URB1: variants seen among roughly 807,000 people sequenced by gnomAD.
URB1 encodes URB1 ribosome biogenesis factor.
A neutral mutation model predicts 242.3 loss-of-function variants in URB1; 197 were observed. The observed-to-expected ratio is 0.81, with a 90% CI of 0.72 to 0.91. URB1 has a LOEUF of 0.91. Ranked by LOEUF, URB1 falls within the 40% of genes least tolerant of loss-of-function variation. URB1 has a pLI of 0.00. For missense variants in URB1, 2,721 were observed against 2,860.5 expected (o/e 0.95, Z 1.11); for synonymous variants, 1,153 against 1,201.8 (o/e 0.96, Z 0.84).
intron 34 of URB1, among the ~76,000 whole-genome samples, chr21:32,321,497 C>A (rs1005465016): frequency 2.0e-5 from 3 of 152,122 alleles, no homozygotes; most frequent in African/African-American, 7.2e-5. Flanking sequence ...GATCAGTACC[C>A]CCCACTGATG....
chr21:32,392,041 G>A (rs749945046), intron 1 of URB1, among the ~76,000 whole-genome samples: 1 of 151,710 alleles, frequency 6.6e-6, no homozygotes, highest in African/African-American at 2.4e-5. Context: ...AAAAAATGAG[G>A]ACAAAAATTG....
chr21:32,392,659 A>AT, intron 1 of URB1, 110 bp downstream of exon 1: 1 of 1,294,256 alleles, frequency 7.7e-7, no homozygotes, highest in Non-Finnish European at 9.9e-7. Flanking sequence ...GAGGCTTGCC[A>AT]CTGAGCCTAT....
chr21:32,334,145 G>A lies in URB1; in HGVS notation c.4857+18C>T, dbSNP rs1292490717. On this transcript the variant is annotated intron_variant, in intron 29 of 38. Coordinates refer to ENST00000382751, the MANE Select transcript of URB1 (RefSeq NM_014825.3). ...TGGGGTGAAGGGGTGGGTAGGGACA[G>A]AACAGCAGCAGCCCAACCTCGGGGG... 2.6e-6 allele frequency: 4 copies of A among 1,535,438 alleles called. No homozygotes were observed. The highest frequency in any genetic ancestry group is 4.0e-5 in the Admixed American group (2 of 50,450).
At chr21:32,385,472 A>G (rs953367241) in intron 2 of URB1, 73 bp downstream of exon 2, 11 of 1,500,504 alleles carry the variant, frequency 7.3e-6, no homozygotes, top group African/African-American at 7.0e-5. Flanking sequence ...TTTCTATCAC[A>G]TTTTTCCTCA....
chr21:32,361,169 A>AAGAAAGAAAGAAAGAAAGAC, intron 12 of URB1, 46 bp from the exon 13 acceptor site: 1 of 640,916 alleles, frequency 1.6e-6, no homozygotes, highest in Non-Finnish European at 2.5e-6. Flanking sequence ...AAAAGAAAGA[A>AAGAAAGAAAGAAAGAAAGAC]AGAAAGAAAG....
chr21:32,354,520 C>T (rs1003216626), intron 17 of URB1, among the ~76,000 whole-genome samples: 6 of 152,160 alleles, frequency 3.9e-5, no homozygotes, highest in Admixed American at 3.3e-4. Flanking sequence ...TTATACTAAA[C>T]CTCTCTGTGC....
At chr21:32,353,852 G>C in intron 18 of URB1, 81 bp downstream of exon 18, 2 of 1,449,390 alleles carry the variant, frequency 1.4e-6, no homozygotes, top group Non-Finnish European at 1.8e-6. Flanking sequence ...ATTGATCCCA[G>C]AGCCCCTGGA....
chr21:32,385,824 C>A, intron 1 of URB1, 140 bp from the exon 2 acceptor site: 1 of 1,202,852 alleles, frequency 8.3e-7, no homozygotes, highest in Non-Finnish European at 1.1e-6. Flanking sequence ...TGAATGCTAT[C>A]AACTTAACTG....
Position 32,388,440 on chromosome 21 carries a change from A to G in URB1, c.143-2756T>C, listed in dbSNP as rs566133495. On this transcript the variant is annotated intron_variant, in intron 1 of 38. Transcript: ENST00000382751. The stretch of plus-strand genomic sequence containing the variant: ...CTGCCAGCCTCACAGGTGTTTTCAG[A>G]TCCCCTTTTATGCTGCAACATTTTC... 3.1e-4 allele frequency among the ~76,000 whole-genome samples: 47 copies of G among 152,328 alleles called. 1 individual carries two copies. The highest frequency in any genetic ancestry group is 2.4e-3 in the Admixed American group (37 of 15,294).
chr21:32,392,996 A>C lies in URB1; in HGVS notation c.-86T>G. On this transcript the variant is annotated 5_prime_UTR_variant, in exon 1 of 39. An upstream open reading frame in the 5' UTR loses its in-frame stop. Coordinates refer to ENST00000382751, the MANE Select transcript of URB1 (RefSeq NM_014825.3). ...GGCACAGACAGCAGACACGCGCTTC[A>C]GGCCCACATGGCGCAGGAAGAGGCG... 1 of 1,396,900 alleles carries C rather than the reference A, an allele frequency of 7.2e-7. No individual in the cohort carries two copies. Among genetic ancestry groups the C allele is most frequent in the Non-Finnish European group, 9.3e-7 (1 of 1,071,412 alleles). The allele number at this position is 1,396,900 out of a possible 1,614,324, so 86.5% of individuals were successfully genotyped here.
At chr21:32,391,513 T>C (rs917176316) in intron 1 of URB1, among the ~76,000 whole-genome samples, 1 of 152,182 alleles carries the variant, frequency 6.6e-6, no homozygotes. Flanking sequence ...TATGTGATTT[T>C]ACTGACCAAT....
rs1601116462 is a variant in URB1 at position 32,316,370 on chromosome 21, C to G, written c.6634+96G>C. ...CACAATACCCAGCTGAGGAAGTCAG[C>G]AGAAACCTGAGTGTTCTAAGCACAG... On this transcript the variant is annotated intron_variant, in intron 38 of 38. Coordinates refer to ENST00000382751, the MANE Select transcript of URB1 (RefSeq NM_014825.3). 4 of 1,436,050 alleles carry G rather than the reference C, an allele frequency of 2.8e-6. No homozygotes were observed. In the East Asian group the frequency reaches 1.0e-4, roughly 36 times the overall value. 89.0% of individuals were successfully genotyped at this position (1,436,050 alleles called of 1,614,324 possible). A position where few individuals can be genotyped will look rare whatever the true frequency, so the allele number is the denominator to read the frequency against.
intron 17 of URB1, among the ~76,000 whole-genome samples, chr21:32,354,443 G>A (rs1407377320): frequency 6.6e-6 from 1 of 152,190 alleles, no homozygotes; most frequent in Non-Finnish European, 1.5e-5. Flanking sequence ...GCACAGGCCA[G>A]AGCCAGAGTA....
chr21:32,321,695 C>T (rs866085680), intron 34 of URB1, 106 bp downstream of exon 34: 7 of 1,479,650 alleles, frequency 4.7e-6, no homozygotes, highest in Admixed American at 2.1e-5. Flanking sequence ...TTAGGTCGGT[C>T]GTGTCCAGGC....
At chr21:32,369,204 C>A (rs113358877) in intron 8 of URB1, among the ~76,000 whole-genome samples, 4,915 of 152,022 alleles carry the variant, frequency 0.032, 261 homozygotes, top group African/African-American at 0.11. Context: ...CTATTAAAAA[C>A]ACAAAAAAAT....
intron 22 of URB1, among the ~76,000 whole-genome samples, chr21:32,346,626 T>C (rs1009971562): frequency 2.5e-4 from 38 of 152,192 alleles, no homozygotes; most frequent in Non-Finnish European, 4.4e-4. Flanking sequence ...ATGGGATGGA[T>C]TGGCACCCAA....
rs751270181 is a variant in URB1, at chr21:32,319,354, G to C, written c.5655C>G (p.Thr1885=). The stretch of plus-strand genomic sequence containing the variant: ...ACTCCACTGCCTTGTCCCCCAGGTT[G>C]GTCACCCACAGTGTGTGTAGCAAGG... ...VISLLHTLWV[T]NLGDKAVEWE... is the part of the protein sequence containing the mutation. The change falls in exon 36 of 39, where the codon ACC becomes ACG. Residue 1885 remains threonine, a synonymous_variant. Coordinates refer to ENST00000382751, the MANE Select transcript of URB1 (RefSeq NM_014825.3). 218 of 1,550,850 alleles carry C rather than the reference G, an allele frequency of 1.4e-4. 3 individuals carry two copies. The South Asian group carries it at 2.5e-3, about 18-fold the overall frequency.
In URB1 at chr21:32,384,307, G is replaced by A; in HGVS notation, c.434+6C>T. On this transcript the variant is annotated splice_donor_region_variant and intron_variant, in intron 3 of 38. Transcript: ENST00000382751. ...ATCCTTTGTCACACCAAGGCAGACTGCCTACCTGTAACCTGAGGCATACAG... is the reference window on the plus strand; with the variant it reads ...ATCCTTTGTCACACCAAGGCAGACTACCTACCTGTAACCTGAGGCATACAG... The A allele has an allele frequency of 6.5e-7, 1 of 1,549,670 alleles. No individual in the cohort carries two copies. The highest frequency in any genetic ancestry group is 1.2e-5 in the South Asian group (1 of 83,998).
At chr21:32,345,189 C>T (rs2033072193) in intron 23 of URB1, among the ~76,000 whole-genome samples, 185 bp downstream of exon 23, 1 of 152,052 alleles carries the variant, frequency 6.6e-6, no homozygotes, top group African/African-American at 2.4e-5. Flanking sequence ...CCCGACCCAG[C>T]CATCTACTTG....
Sources: gnomAD v4.1 joint callset for allele counts (sites outside exome capture counted in the v4.1 genomes callset) on GRCh38, gnomAD v4.1.1 for gene constraint, MANE v1.5 for transcripts, NCBI Gene and HGNC (gene_info 2026-07-23, HGNC 2026-07-21) for gene names.